SMC2: variants seen among roughly 807,000 people sequenced by gnomAD.
SMC2 encodes structural maintenance of chromosomes 2.
Under a neutral mutation model 142.6 loss-of-function variants are expected in SMC2, and 41 were observed. The ratio of observed to expected loss-of-function variants is 0.29; its 90% CI spans 0.22 to 0.37. The LOEUF (loss-of-function observed/expected upper bound fraction) is 0.37, where lower values mean the gene tolerates loss of function less well. SMC2 is among the 10% of genes least tolerant of loss of function. The pLI, the probability that SMC2 is intolerant of heterozygous loss-of-function variation, is 1.00. For synonymous variants in SMC2, 463 were observed against 457.5 expected, an observed-to-expected ratio of 1.01 and a Z score of -0.15; for missense variants, 1,265 against 1,373.7, an observed-to-expected ratio of 0.92 and a Z score of 1.25.
chr9:104,128,045 G>A (rs373408816), intron 20 of SMC2, among the ~76,000 whole-genome samples: 7 of 152,142 alleles, frequency 4.6e-5, no homozygotes, highest in African/African-American at 1.4e-4. Context: ...AAGATAACAC[G>A]TGCTTTTGCA....
chr9:104,134,532 A>G lies in SMC2; in HGVS notation c.3226A>G (p.Asn1076Asp). The change falls in exon 23 of 25, where the codon AAT (asparagine) becomes GAT (aspartate). Residue 1076 changes from asparagine to aspartate, a missense_variant. By Grantham distance (23) the Asn-to-Asp change is conservative (BLOSUM62 1). Around this residue, in one of 4 missense-constraint regions of SMC2, gnomAD observed 192 missense variants for 261.9 expected, o/e 0.73. Coordinates refer to ENST00000374793, the MANE Select transcript of SMC2 (RefSeq NM_006444.3). ...TCTGGAGTTCAAGGTTGCCTTGGGA[A>G]ATACCTGGAAAGAAAACCTAACTGA... ...DGLEFKVALGNTWKENLTELS... is the reference protein window; with the variant it reads ...DGLEFKVALGDTWKENLTELS... 2 of 1,611,218 alleles carry G rather than the reference A, an allele frequency of 1.2e-6. No homozygotes were observed. Among genetic ancestry groups the G allele is most frequent in the East Asian group, 2.2e-5 (1 of 44,832 alleles).
upstream of SMC2, among the ~76,000 whole-genome samples, chr9:104,090,107 C>T (rs1432894274): frequency 6.6e-6 from 1 of 152,118 alleles, no homozygotes; most frequent in Non-Finnish European, 1.5e-5. Flanking sequence ...AATGAGAAGA[C>T]CTCCTCCAAC....
At chr9:104,093,916 C>A (rs1036407502), upstream of SMC2, among the ~76,000 whole-genome samples, 4 of 152,224 alleles carry the variant, frequency 2.6e-5, no homozygotes, top group African/African-American at 4.8e-5. Flanking sequence ...CATAGAATGC[C>A]TCTCCACTTC....
At position 104,096,165 on chromosome 9, in the gene SMC2, A is replaced by T. The variant is rs1365585818; in HGVS notation, c.186A>T (p.Leu62Phe). 1 of 1,613,070 alleles carries T rather than the reference A, an allele frequency of 6.2e-7. No homozygotes were observed. The change falls in exon 3 of 25, where the codon TTA (leucine) becomes TTT (phenylalanine). Residue 62 changes from leucine to phenylalanine, a missense_variant. By Grantham distance (22) the Leu-to-Phe change is conservative. This residue lies in a region of SMC2 where 168 missense variants were observed against 184.8 expected (regional missense o/e 0.91). Coordinates refer to ENST00000374793, the MANE Select transcript of SMC2 (RefSeq NM_006444.3). ...SNLSQVRASN[L>F]QDLVYKNGQA... ...TATTTTAGGTTCGGGCTTCTAATTTACAAGATTTAGTTTACAAAAATGGGC... is the reference window on the plus strand; with the variant it reads ...TATTTTAGGTTCGGGCTTCTAATTTTCAAGATTTAGTTTACAAAAATGGGC...
Position 104,125,037 on chromosome 9 carries a change from C to G in SMC2, c.2383C>G (p.Gln795Glu). ...AAGAGAGCGAGAACTGAAAGATGCT[C>G]AGAAAAAACTGGATTGTGCCAAAAC... ...AERERELKDA[Q>E]KKLDCAKTKA... Residue 795 changes from glutamine (Q) to glutamate (E), a missense_variant, in exon 18 of 25, where the codon CAG becomes GAG. By Grantham distance (29) the Gln-to-Glu change is conservative. This residue lies in a region of SMC2 where 898 missense variants were observed against 904.2 expected (regional missense o/e 0.99). Coordinates refer to ENST00000374793, the MANE Select transcript of SMC2 (RefSeq NM_006444.3). The G allele has an allele frequency of 6.2e-7, 1 of 1,604,774 alleles. No individual in the cohort carries two copies. The highest frequency in any genetic ancestry group is 1.7e-4 in the Middle Eastern group (1 of 6,024).
upstream of SMC2, among the ~76,000 whole-genome samples, chr9:104,090,491 C>T (rs538505579): frequency 6.6e-6 from 1 of 151,892 alleles, no homozygotes; most frequent in East Asian, 1.9e-4. Flanking sequence ...GAAGTTTGTT[C>T]TTTGGGGCTT....
Position 104,139,775 on chromosome 9 carries a change from G to A in SMC2, c.*460G>A, listed in dbSNP as rs116074085. On this transcript the variant is annotated 3_prime_UTR_variant, in exon 25 of 25. Coordinates refer to ENST00000374793, the MANE Select transcript of SMC2 (RefSeq NM_006444.3). ...GACCAACAAAGGGAACACATATAAA[G>A]CTATTATGCATGCATGGAGCCGTTT... The A allele has an allele frequency of 0.011, 1,710 of 153,836 alleles. 34 individuals are homozygous for A. Among genetic ancestry groups the A allele is most frequent in the African/African-American group, 0.039 (1,626 of 41,534 alleles). 9.5% of individuals were successfully genotyped at this position (153,836 alleles called of 1,614,324 possible). A position where few individuals can be genotyped will look rare whatever the true frequency, so the allele number is the denominator to read the frequency against.
At chr9:104,098,903 A>T (rs1244361470) in intron 4 of SMC2, among the ~76,000 whole-genome samples, 5 of 151,750 alleles carry the variant, frequency 3.3e-5, no homozygotes, top group Admixed American at 2.0e-4. Context: ...TATTTCAAGT[A>T]TAAAAGCTTG....
intron 4 of SMC2, among the ~76,000 whole-genome samples, chr9:104,098,973 A>G (rs186844183): frequency 9.9e-5 from 15 of 152,264 alleles, no homozygotes; most frequent in African/African-American, 3.4e-4. Context: ...TCTTACATTT[A>G]CATTACTTCA....
chr9:104,125,189 T>TTCATCAGAA, intron 18 of SMC2, 84 bp downstream of exon 18: 1 of 947,898 alleles, frequency 1.1e-6, no homozygotes, highest in Non-Finnish European at 1.6e-6. Flanking sequence ...GTTGACCTTA[T>TTCATCAGAA]TCATCAGAAT....
At chr9:104,096,395 G>A in intron 3 of SMC2, 98 bp downstream of exon 3, 1 of 1,141,684 alleles carries the variant, frequency 8.8e-7, no homozygotes, top group South Asian at 1.5e-5. Flanking sequence ...GAAAGTTCAT[G>A]AGCAAAATTG....
At chr9:104,115,628 A>G (rs1363156508) in intron 13 of SMC2, among the ~76,000 whole-genome samples, 1 of 152,104 alleles carries the variant, frequency 6.6e-6, no homozygotes, top group Non-Finnish European at 1.5e-5. Flanking sequence ...GTTTTGATAC[A>G]TATACATAGT....
Position 104,098,506 on chromosome 9 carries a change from G to A in SMC2, c.379G>A (p.Val127Ile). 1.9e-6 allele frequency: 3 copies of A among 1,601,080 alleles called. No individual in the cohort carries two copies. The highest frequency in any genetic ancestry group is 1.1e-5 in the South Asian group (1 of 88,342). Residue 127 changes from valine to isoleucine, a missense_variant, in exon 4 of 25, where the codon GTA becomes ATA. By Grantham distance (29) the Val-to-Ile change is conservative. Around this residue, in one of 4 missense-constraint regions of SMC2, gnomAD observed 168 missense variants for 184.8 expected, o/e 0.91. Coordinates refer to ENST00000374793, the MANE Select transcript of SMC2 (RefSeq NM_006444.3). ...TGGAGTCAATGCCAACAACACCAGA[G>A]TACAGGATCTCTTCTGTTCTGTTGG... Reference protein sequence around the residue: ...INGVNANNTRVQDLFCSVGLN... With the variant: ...INGVNANNTRIQDLFCSVGLN...
At chr9:104,121,405 T>C (rs911782483) in intron 16 of SMC2, among the ~76,000 whole-genome samples, 1 of 151,694 alleles carries the variant, frequency 6.6e-6, no homozygotes, top group Non-Finnish European at 1.5e-5. Flanking sequence ...CTGAGGTGGG[T>C]GGATTGTTGG....
At chr9:104,123,926 AT>A (rs1418641860) in intron 17 of SMC2, among the ~76,000 whole-genome samples, 1 of 152,238 alleles carries the variant, frequency 6.6e-6, no homozygotes, top group African/African-American at 2.4e-5. Context: ...CATTAGGACA[AT>A]ATCCACACAT....
intron 4 of SMC2, among the ~76,000 whole-genome samples, chr9:104,099,264 T>C (rs1814845450): frequency 6.6e-6 from 1 of 152,130 alleles, no homozygotes; most frequent in African/African-American, 2.4e-5. Flanking sequence ...TGTGAAATTA[T>C]CCTGGAGGGT....
intron 9 of SMC2, among the ~76,000 whole-genome samples, chr9:104,103,660 G>GT (rs1233834130): frequency 6.6e-6 from 1 of 152,156 alleles, no homozygotes. Flanking sequence ...GAGTAGGTGT[G>GT]TTTTTGGAGC....
At chr9:104,116,889 G>A (rs1418907318) in intron 14 of SMC2, among the ~76,000 whole-genome samples, 1 of 152,130 alleles carries the variant, frequency 6.6e-6, no homozygotes, top group African/African-American at 2.4e-5. Flanking sequence ...AAAAGTTATT[G>A]TAGTTGTGTA....
At chr9:104,110,112 G>T (rs1320384068) in intron 9 of SMC2, among the ~76,000 whole-genome samples, 1 of 152,160 alleles carries the variant, frequency 6.6e-6, no homozygotes, top group Non-Finnish European at 1.5e-5. Flanking sequence ...GTGATCTCTT[G>T]TGGTTCTCGT....
Sources: gnomAD v4.1 joint callset for allele counts (sites outside exome capture counted in the v4.1 genomes callset) on GRCh38, gnomAD v4.1.1 for gene constraint, gnomAD v4.1.1 regional missense constraint, MANE v1.5 for transcripts, NCBI Gene and HGNC (gene_info 2026-07-23, HGNC 2026-07-21) for gene names.